FANCL: variants seen among roughly 807,000 people sequenced by gnomAD.
FANCL encodes E3 ubiquitin-protein ligase FANCL.
Under a neutral mutation model 59.4 loss-of-function variants are expected in FANCL, and 69 were observed. The ratio of observed to expected loss-of-function variants is 1.16; its 90% CI spans 0.96 to 1.42. The LOEUF is 1.42. FANCL is among the 40% of genes most tolerant of loss of function. FANCL has a pLI of 0.00. For missense variants in FANCL, 519 were observed against 447.2 expected (o/e 1.16, Z -1.45); for synonymous variants, 180 against 147.1 (o/e 1.22, Z -1.62).
At chr2:58,159,849 A>G (rs1316972931) in intron 13 of FANCL, 49 bp from the exon 14 acceptor site, 1 of 1,607,554 alleles carries the variant, frequency 6.2e-7, no homozygotes, top group South Asian at 1.1e-5. Flanking sequence ...ACTCTAAAAA[A>G]TAAAATTGCT....
At chr2:58,223,803 A>T (rs532256601) in intron 4 of FANCL, among the ~76,000 whole-genome samples, 62 of 152,082 alleles carry the variant, frequency 4.1e-4, no homozygotes, top group African/African-American at 1.4e-3. Flanking sequence ...CACTATATGC[A>T]GTAATTACTA....
chr2:58,232,067 G>A lies in FANCL; in HGVS notation c.142C>T (p.Leu48=). The A allele has an allele frequency of 6.2e-7, 1 of 1,613,282 alleles. No individual in the cohort carries two copies. The highest frequency in any genetic ancestry group is 1.1e-5 in the South Asian group (1 of 91,062). ...ACACCATATCACCTTGCATTCTTCA[G>A]TTGTAAATCTTCAGGCAACACTATC... is the stretch of plus-strand genomic sequence containing the variant. ...LRIVLPEDLQ[L]KNARLLCSWQ... The change falls in exon 2 of 14, where the codon CTG becomes TTG. Residue 48 remains leucine, a synonymous_variant. Transcript: ENST00000233741.
chr2:58,214,650 T>C (rs996547544), intron 5 of FANCL, among the ~76,000 whole-genome samples: 3 of 151,938 alleles, frequency 2.0e-5, no homozygotes, highest in Admixed American at 6.6e-5. Flanking sequence ...GCTAGGTGCG[T>C]ACCACCACAC....
At chr2:58,223,365 A>G (rs1692672088) in intron 4 of FANCL, among the ~76,000 whole-genome samples, 2 of 152,008 alleles carry the variant, frequency 1.3e-5, no homozygotes, top group Non-Finnish European at 2.9e-5. Flanking sequence ...TTATTAAATA[A>G]AATGCATTAA....
chr2:58,190,870 T>C (rs13421853), intron 7 of FANCL, among the ~76,000 whole-genome samples: 6,369 of 152,020 alleles, frequency 0.042, 163 homozygotes, highest in East Asian at 0.095. Context: ...ATTCAACTTT[T>C]ATTTTGGCAC....
chr2:58,211,876 T>C (rs950029179), intron 5 of FANCL, among the ~76,000 whole-genome samples: 1 of 152,184 alleles, frequency 6.6e-6, no homozygotes, highest in Admixed American at 6.5e-5. Flanking sequence ...TTACTGTCCA[T>C]ATCACCATCA....
Position 58,240,110 on chromosome 2 carries a change from T to TA in FANCL, c.96+1107dup, listed in dbSNP as rs79031739. 5.7e-3 allele frequency among the ~76,000 whole-genome samples: 743 copies of TA among 130,650 alleles called. 3 individuals are homozygous for TA. Among genetic ancestry groups the TA allele is most frequent in the East Asian group, 0.019 (85 of 4,498 alleles). The allele number at this position is 130,650 out of a possible 152,430, so 85.7% of individuals were successfully genotyped here. ...AAAATTAGGTATAACATGCTTCCTG[T>TA]AAAAAAAAAAAAAAAAAAGTAACTT... On this transcript the variant is annotated intron_variant, in intron 1 of 13. Coordinates refer to ENST00000233741, the MANE Select transcript of FANCL (RefSeq NM_018062.4).
chr2:58,161,420 C>G, intron 12 of FANCL, 102 bp downstream of exon 12: 2 of 806,678 alleles, frequency 2.5e-6, no homozygotes, highest in South Asian at 2.7e-5. Flanking sequence ...AAGAGAGGAT[C>G]ACTATTGACT....
At chr2:58,232,398 C>A (rs1472974003) in intron 1 of FANCL, among the ~76,000 whole-genome samples, 1 of 151,876 alleles carries the variant, frequency 6.6e-6, no homozygotes, top group Non-Finnish European at 1.5e-5. Flanking sequence ...AGAAATATTA[C>A]AAAATTGCTA....
In FANCL at chr2:58,221,991, G is replaced by A; in HGVS notation, c.325C>T (p.Gln109Ter). 6.2e-7 allele frequency: 1 copy of A among 1,613,402 alleles called. No individual in the cohort carries two copies. Among genetic ancestry groups the A allele is most frequent in the Non-Finnish European group, 8.5e-7 (1 of 1,179,488 alleles). ...QELYALPPPP[Q>*]FYSSLIEEIG... ...TCTTCAATAAGGCTTGAGTAGAACT[G>A]GGGAGGAGGAGGTAGTGCATACAGC... is the stretch of plus-strand genomic sequence containing the variant. Residue 109 changes from glutamine to a stop codon, truncating the protein, a stop_gained, in exon 5 of 14, where the codon CAG becomes TAG. Transcript: ENST00000233741. LOFTEE classifies it high-confidence loss of function.
At chr2:58,194,366 T>G (rs72618693) in intron 7 of FANCL, 38 of 465,510 alleles carry the variant, frequency 8.2e-5, no homozygotes, top group African/African-American at 7.0e-4. Context: ...TCAAGAGTAT[T>G]TACACATCTG....
rs750819881 is a variant in FANCL, at chr2:58,161,591, A to C, written c.951T>G (p.Gly317=). The C allele has an allele frequency of 8.7e-6, 14 of 1,611,702 alleles. No individual in the cohort carries two copies. Among genetic ancestry groups the C allele is most frequent in the Non-Finnish European group, 1.2e-5 (14 of 1,178,136 alleles). ...TATCACACACTTGATCAGGAATGGT[A>C]CCGTCAAGTTGATAAGCATAACAAA... The part of the protein sequence containing the change: ...CGICYAYQLD[G]TIPDQVCDNS... Residue 317 remains glycine, a synonymous_variant, in exon 12 of 14, where the codon GGT becomes GGG. Transcript: ENST00000233741.
At chr2:58,235,582 C>G (rs1280797074) in intron 1 of FANCL, among the ~76,000 whole-genome samples, 1 of 152,026 alleles carries the variant, frequency 6.6e-6, no homozygotes, top group Non-Finnish European at 1.5e-5. Context: ...AAATATCTAG[C>G]ATGCAACAGG....
At chr2:58,190,104 T>C (rs1018279771) in intron 7 of FANCL, among the ~76,000 whole-genome samples, 3 of 152,076 alleles carry the variant, frequency 2.0e-5, no homozygotes, top group South Asian at 2.1e-4. Flanking sequence ...ACAGGCTTCA[T>C]TGATGTTTTC....
chr2:58,226,664 G>A lies in FANCL; in HGVS notation c.273+64C>T. 5.0e-6 allele frequency: 6 copies of A among 1,198,176 alleles called. No homozygotes were observed. In the South Asian group the frequency reaches 6.4e-5, roughly 13 times the overall value. 74.2% of individuals were successfully genotyped at this position (1,198,176 alleles called of 1,614,324 possible). ...TCTAATAATGTCAGTTTTTAAAGGA[G>A]TTACAAAAAAGAAATCAAGACTTGC... On this transcript the variant is annotated intron_variant, in intron 4 of 13. Coordinates refer to ENST00000233741, the MANE Select transcript of FANCL (RefSeq NM_018062.4).
At chr2:58,232,026 G>A (rs773310088) in intron 2 of FANCL, 28 bp downstream of exon 2, 2 of 1,604,176 alleles carry the variant, frequency 1.2e-6, no homozygotes, top group South Asian at 1.1e-5. Context: ...ATGCAAAAAT[G>A]CACGTTTATA....
At chr2:58,161,074 G>C (rs143177644) in intron 12 of FANCL, among the ~76,000 whole-genome samples, 23 of 152,106 alleles carry the variant, frequency 1.5e-4, no homozygotes, top group African/African-American at 5.5e-4. Flanking sequence ...ATGAAAAGTA[G>C]TAGTATTGGA....
chr2:58,192,468 C>A (rs1284857632), intron 7 of FANCL, among the ~76,000 whole-genome samples: 1 of 151,704 alleles, frequency 6.6e-6, no homozygotes, highest in Non-Finnish European at 1.5e-5. Flanking sequence ...TAAAAAGTGA[C>A]CTCTAGGAAT....
At chr2:58,198,965 A>ATTATC (rs1372712806) in intron 6 of FANCL, among the ~76,000 whole-genome samples, 2 of 148,500 alleles carry the variant, frequency 1.3e-5, no homozygotes, top group African/African-American at 4.9e-5. Flanking sequence ...GGAGGCGGAG[A>ATTATC]TGGCAGTGAG....
Sources: gnomAD v4.1 joint callset for allele counts (sites outside exome capture counted in the v4.1 genomes callset) on GRCh38, gnomAD v4.1.1 for gene constraint, MANE v1.5 for transcripts, NCBI Gene and HGNC (gene_info 2026-07-23, HGNC 2026-07-21) for gene names.